Variants in NEMP2 observed in about 807,000 individuals in gnomAD.
The protein encoded by NEMP2 is nuclear envelope integral membrane protein 2, also known as UPF0571 transmembrane protein.
A neutral mutation model predicts 54.2 loss-of-function variants in NEMP2; 53 were observed. That is an observed-to-expected ratio of 0.98 (90% CI 0.78 to 1.23). NEMP2 has a LOEUF of 1.23. NEMP2 is among the 50% of genes most tolerant of loss of function. NEMP2 has a pLI of 0.00. For synonymous variants in NEMP2, 197 were observed against 190.3 expected (o/e 1.04, Z -0.29); for missense variants, 455 against 511.3 (o/e 0.89, Z 1.06).
the NEMP2 span, among the ~76,000 whole-genome samples, chr2:190,569,252 T>A: frequency 6.6e-6 from 1 of 152,212 alleles, no homozygotes; most frequent in Non-Finnish European, 1.5e-5. Flanking sequence ...ATTTTTGAGA[T>A]ATGGAGGCAA....
At chr2:190,601,609 C>T in the NEMP2 span, among the ~76,000 whole-genome samples, 1 of 152,142 alleles carries the variant, frequency 6.6e-6, no homozygotes, top group East Asian at 1.9e-4. The surrounding 1 kb of genome is among the most constrained non-coding windows in gnomAD (Gnocchi z 5.8). Flanking sequence ...TTCCGAGCAA[C>T]TCCATGAAAA....
the NEMP2 span, among the ~76,000 whole-genome samples, chr2:190,426,039 GT>G: frequency 3.9e-5 from 6 of 152,066 alleles, no homozygotes; most frequent in Non-Finnish European, 7.4e-5. This position sits in a 1 kb window ranked among gnomAD's most constrained non-coding sequence, Gnocchi z 4.7. Context: ...TGGGCATTTT[GT>G]TTTAGTTTTA....
Position 190,530,263 on chromosome 2 carries a change from C to T in NEMP2, c.97+4296G>A, listed in dbSNP as rs549542314. On this transcript the variant is annotated intron_variant, in intron 1 of 8. Coordinates refer to ENST00000409150, the MANE Select transcript of NEMP2 (RefSeq NM_001142645.2). The surrounding 1 kb of genome is among the most constrained non-coding windows in gnomAD (Gnocchi z 4.6). ...TTTTCCCTCGAATTCTCCAGAGTGG[C>T]CTCTGGCTTTTGAGGTGAAGCTGAT... Among the ~76,000 whole-genome samples, 1 of 152,302 alleles carries T rather than the reference C, an allele frequency of 6.6e-6. No individual in the cohort carries two copies. Among genetic ancestry groups the T allele is most frequent in the African/African-American group, 2.4e-5 (1 of 41,564 alleles).
the NEMP2 span, among the ~76,000 whole-genome samples, chr2:190,454,922 C>A: frequency 7.5e-6 from 1 of 132,788 alleles, no homozygotes; most frequent in South Asian, 2.4e-4. The surrounding 1 kb of genome is among the most constrained non-coding windows in gnomAD (Gnocchi z 4.6). Flanking sequence ...TATATGTGTT[C>A]CTGGTTTCTG....
chr2:190,646,268 T>A, the NEMP2 span, among the ~76,000 whole-genome samples: 1 of 152,214 alleles, frequency 6.6e-6, no homozygotes, highest in Non-Finnish European at 1.5e-5. Context: ...TCAGACACCA[T>A]AATTGTTACC....
the NEMP2 span, among the ~76,000 whole-genome samples, chr2:190,577,110 A>G: frequency 6.6e-6 from 1 of 152,244 alleles, no homozygotes; most frequent in African/African-American, 2.4e-5. The surrounding 1 kb of genome is among the most constrained non-coding windows in gnomAD (Gnocchi z 4.8). Context: ...CAGTAAGTCC[A>G]GTGTGTAGAT....
chr2:190,594,056 G>A, the NEMP2 span, among the ~76,000 whole-genome samples: 1 of 152,180 alleles, frequency 6.6e-6, no homozygotes, highest in Non-Finnish European at 1.5e-5. This position sits in a 1 kb window ranked among gnomAD's most constrained non-coding sequence, Gnocchi z 5.6. Flanking sequence ...CTGCCCTATT[G>A]GCTCTGCTTA....
chr2:190,481,930 G>A, the NEMP2 span, among the ~76,000 whole-genome samples: 4 of 152,192 alleles, frequency 2.6e-5, no homozygotes, highest in African/African-American at 9.6e-5. Flanking sequence ...AGAGAGACTG[G>A]CTTGCTACTC....
chr2:190,478,063 G>C, the NEMP2 span, among the ~76,000 whole-genome samples: 2 of 152,156 alleles, frequency 1.3e-5, no homozygotes, highest in Admixed American at 6.5e-5. Flanking sequence ...GCCAACCCAG[G>C]ACATGTTTTT....
At chr2:190,446,534 A>T in the NEMP2 span, among the ~76,000 whole-genome samples, 1 of 152,210 alleles carries the variant, frequency 6.6e-6, no homozygotes, top group Non-Finnish European at 1.5e-5. Flanking sequence ...ACTCACTGGG[A>T]TCTGAGTTGG....
the NEMP2 span, chr2:190,608,875 A>T: frequency 6.6e-5 from 10 of 152,182 alleles, no homozygotes; most frequent in African/African-American, 1.2e-4. The surrounding 1 kb of genome is among the most constrained non-coding windows in gnomAD (Gnocchi z 4.9). Context: ...GAACCTTATT[A>T]AAAAAATTTT....
the NEMP2 span, among the ~76,000 whole-genome samples, chr2:190,542,624 A>G: frequency 1.3e-5 from 2 of 151,844 alleles, no homozygotes; most frequent in South Asian, 4.2e-4. This position sits in a 1 kb window ranked among gnomAD's most constrained non-coding sequence, Gnocchi z 4.6. Flanking sequence ...GCCTGTCTTC[A>G]GGCTCACTGA....
the NEMP2 span, among the ~76,000 whole-genome samples, chr2:190,574,559 T>C: frequency 1.3e-5 from 2 of 152,170 alleles, no homozygotes; most frequent in Non-Finnish European, 1.5e-5. Context: ...ATCATCACAA[T>C]TGATTATAGA....
downstream of NEMP2, chr2:190,500,164 G>C: frequency 6.2e-7 from 1 of 1,614,108 alleles, no homozygotes; most frequent in Non-Finnish European, 8.5e-7. The surrounding 1 kb of genome is among the most constrained non-coding windows in gnomAD (Gnocchi z 5.3). Context: ...GTGTGGACCC[G>C]TGCACAGAGG....
At chr2:190,596,008 A>G in the NEMP2 span, among the ~76,000 whole-genome samples, 1 of 152,212 alleles carries the variant, frequency 6.6e-6, no homozygotes, top group Admixed American at 6.5e-5. This position sits in a 1 kb window ranked among gnomAD's most constrained non-coding sequence, Gnocchi z 5.1. Flanking sequence ...CCAAATGTCC[A>G]TCAATGATAG....
intron 1 of NEMP2, 37 bp downstream of exon 1, chr2:190,534,522 A>G: frequency 1.5e-6 from 2 of 1,368,292 alleles, no homozygotes; most frequent in Non-Finnish European, 1.9e-6. Context: ...GGGAGCGAGC[A>G]CGCACGCGCG....
the NEMP2 span, chr2:190,469,728 A>T: frequency 9.7e-7 from 1 of 1,025,744 alleles, no homozygotes; most frequent in Non-Finnish European, 1.3e-6. This position sits in a 1 kb window ranked among gnomAD's most constrained non-coding sequence, Gnocchi z 5.3. Flanking sequence ...GCTTTTTTTT[A>T]TTTTATTTTT....
chr2:190,442,224 A>G, the NEMP2 span, among the ~76,000 whole-genome samples: 3 of 152,198 alleles, frequency 2.0e-5, no homozygotes, highest in Admixed American at 2.0e-4. Flanking sequence ...ACCAAGTATT[A>G]TTCTATATTA....
intron 5 of NEMP2, among the ~76,000 whole-genome samples, chr2:190,516,879 T>A (rs1002345687): frequency 1.3e-5 from 2 of 152,012 alleles, no homozygotes; most frequent in African/African-American, 4.8e-5. Flanking sequence ...TCGCTGGAGC[T>A]CAGGAGTTCA....
Sources: gnomAD v4.1 joint callset for allele counts (sites outside exome capture counted in the v4.1 genomes callset) on GRCh38, gnomAD v4.1.1 for gene constraint, Gnocchi (gnomAD v3.1) non-coding constraint, MANE v1.5 for transcripts, NCBI Gene and HGNC (gene_info 2026-07-23, HGNC 2026-07-21) for gene names.